The following HDLBP variants were observed in gnomAD, a reference collection of about 807,000 sequenced individuals.
HDLBP encodes the protein vigilin.
In HDLBP, 30 loss-of-function variants were observed where a neutral mutation model predicts 137.3. The observed-to-expected ratio is 0.22, with a 90% confidence interval of 0.16 to 0.30. The LOEUF (loss-of-function observed/expected upper bound fraction) is 0.30, where lower values mean the gene tolerates loss of function less well. Ranked by LOEUF, HDLBP falls within the 10% of genes least tolerant of loss-of-function variation. HDLBP has a pLI of 1.00. For missense variants in HDLBP, 1,119 were observed against 1,667.3 expected (o/e 0.67, Z 5.73); for synonymous variants, 606 against 596.0 (o/e 1.02, Z -0.24).
At chr2:241,248,509 T>TA (rs959581431) in intron 12 of HDLBP, among the ~76,000 whole-genome samples, 161 bp from the exon 13 acceptor site, 1 of 152,216 alleles carries the variant, frequency 6.6e-6, no homozygotes, top group Non-Finnish European at 1.5e-5. Flanking sequence ...AACCAGCTGT[T>TA]AAGAGTGTGC....
chr2:241,296,100 CAAAA>C lies in HDLBP; in HGVS notation c.-103+19466_-103+19469del, dbSNP rs34959720. Among the ~76,000 whole-genome samples, 7 of 85,694 alleles carry C rather than the reference CAAAA, an allele frequency of 8.2e-5. No individual in the cohort carries two copies. The South Asian group carries it at 2.5e-3, about 31-fold the overall frequency. 56.2% of individuals were successfully genotyped at this position (85,694 alleles called of 152,430 possible). ...CATAAAACCAGGCTAGAAAATTTTGCAAAAAAAAAAAAAAAAAAGCTGGGATTCA... is the reference window on the plus strand; with the variant it reads ...CATAAAACCAGGCTAGAAAATTTTGCAAAAAAAAAAAAAAGCTGGGATTCA... On this transcript the variant is annotated intron_variant, in intron 1 of 27. Transcript: ENST00000310931.
intron 24 of HDLBP, chr2:241,231,189 A>G: frequency 2.3e-6 from 1 of 431,054 alleles, no homozygotes; most frequent in South Asian, 2.8e-5. Context: ...ATTCGTGACC[A>G]GCCTGACCAA....
rs1372747285 is a variant in HDLBP, at chr2:241,265,560, T to TCA, written c.77-956_77-955insTG. 4.8e-4 allele frequency among the ~76,000 whole-genome samples: 73 copies of TCA among 152,378 alleles called. 1 individual carries two copies. In the East Asian group the frequency reaches 0.013, roughly 27 times the overall value. On this transcript the variant is annotated intron_variant, in intron 3 of 27. Transcript: ENST00000310931. ...CATAGTGCCCTATTTGTTCATGTGTTTGTGCCATTAGCCACAATCTCCATG... is the reference window on the plus strand; with the variant it reads ...CATAGTGCCCTATTTGTTCATGTGTTCATGTGCCATTAGCCACAATCTCCATG...
rs142659756 is a variant in HDLBP at position 241,236,724 on chromosome 2, C to G, written c.2795G>C (p.Gly932Ala). 20 of 1,614,066 alleles carry G rather than the reference C, an allele frequency of 1.2e-5. No individual in the cohort carries two copies. Among genetic ancestry groups the G allele is most frequent in the African/African-American group, 2.7e-5 (2 of 74,936 alleles). ...PVVQENGDEA[G>A]EGREAKDCDP... is the part of the protein sequence containing the mutation. ...ACAATCTTTAGCCTCTCTCCCCTCC[C>G]CAGCTTCGTCCCCATTCTCCTGGAC... The change falls in exon 21 of 28, where the codon GGG becomes GCG. Residue 932 changes from glycine (G) to alanine (A), a missense_variant. This residue lies in a region of HDLBP where 618 missense variants were observed against 816.7 expected (regional missense o/e 0.76). Transcript: ENST00000310931.
chr2:241,296,101 A>G (rs763568535), intron 1 of HDLBP, among the ~76,000 whole-genome samples: 182 of 56,928 alleles, frequency 3.2e-3, no homozygotes, highest in Non-Finnish European at 8.4e-3. Context: ...AAAATTTTGC[A>G]AAAAAAAAAA....
intron 1 of HDLBP, among the ~76,000 whole-genome samples, chr2:241,311,474 T>C (rs1014108812): frequency 3.3e-5 from 5 of 151,036 alleles, no homozygotes; most frequent in African/African-American, 1.2e-4. Context: ...CAAGAGGGAG[T>C]GAGGAGAGTT....
chr2:241,230,946 T>C lies in HDLBP; in HGVS notation c.3289-2A>G. ...TGTGATGGTAATTTGGTCCTGGGGC[T>C]AAAAAAGGAGAATGTAGTCAGAAAA... On this transcript the variant is annotated splice_acceptor_variant, in intron 24 of 27. Coordinates refer to ENST00000310931, the MANE Select transcript of HDLBP (RefSeq NM_005336.6). LOFTEE classifies it high-confidence loss of function. The surrounding 1 kb of genome is among the most constrained non-coding windows in gnomAD (Gnocchi z 5.0). The C allele has an allele frequency of 1.2e-6, 2 of 1,611,270 alleles. No homozygotes were observed. The highest frequency in any genetic ancestry group is 4.5e-5 in the East Asian group (2 of 44,818).
intron 1 of HDLBP, among the ~76,000 whole-genome samples, chr2:241,281,152 T>TC (rs2074584131): frequency 6.6e-6 from 1 of 152,194 alleles, no homozygotes; most frequent in East Asian, 1.9e-4. Flanking sequence ...GGTCGAGAGA[T>TC]CGAGATCAGC....
chr2:241,293,736 A>G (rs2075082274), intron 1 of HDLBP, among the ~76,000 whole-genome samples: 1 of 151,708 alleles, frequency 6.6e-6, no homozygotes, highest in Non-Finnish European at 1.5e-5. Flanking sequence ...CCTGGGCAAC[A>G]TAGCGAAACC....
intron 11 of HDLBP, chr2:241,250,750 G>C (rs2072074140): frequency 6.6e-6 from 1 of 152,262 alleles, no homozygotes; most frequent in Admixed American, 6.5e-5. Context: ...GCACTGAGGG[G>C]GGAACATGGA....
rs1343698452 is a variant in HDLBP at position 241,229,705 on chromosome 2, A to T, written c.3721-18T>A. 6.2e-7 allele frequency: 1 copy of T among 1,613,406 alleles called. No homozygotes were observed. Among genetic ancestry groups the T allele is most frequent in the East Asian group, 2.2e-5 (1 of 44,872 alleles). ...TCAGGAGCCTGTGCAGAGAGAGGACACGGCTTCAGGAGGGGATGCTCCCCA... is the reference window on the plus strand; with the variant it reads ...TCAGGAGCCTGTGCAGAGAGAGGACTCGGCTTCAGGAGGGGATGCTCCCCA... On this transcript the variant is annotated intron_variant, in intron 27 of 27. Transcript: ENST00000310931.
chr2:241,279,375 TTACAAA>T (rs1214119888), intron 1 of HDLBP, among the ~76,000 whole-genome samples: 2 of 152,202 alleles, frequency 1.3e-5, no homozygotes, highest in Non-Finnish European at 2.9e-5. Flanking sequence ...TTTAGAATAG[TTACAAA>T]TACAATCATA....
In HDLBP at chr2:241,235,210, CGAT is replaced by C; in HGVS notation, c.3052_3054del (p.Ile1018del). ...AAATTTGCAGCGAGGCCCGTGATGG[CGAT>C]GATGTCAGACTGCAGCTCAGGTGCC... On this transcript the variant is annotated inframe_deletion, in exon 23 of 28. Transcript: ENST00000310931. The C allele has an allele frequency of 6.2e-7, 1 of 1,614,150 alleles. No individual in the cohort carries two copies. Among genetic ancestry groups the C allele is most frequent in the Non-Finnish European group, 8.5e-7 (1 of 1,180,042 alleles).
intron 5 of HDLBP, among the ~76,000 whole-genome samples, chr2:241,260,833 C>A (rs2073100518): frequency 6.6e-6 from 1 of 152,086 alleles, no homozygotes; most frequent in South Asian, 2.1e-4. Flanking sequence ...ACCAGTTCAC[C>A]AAAAATAATC....
chr2:241,279,254 T>G (rs147804942), intron 1 of HDLBP, among the ~76,000 whole-genome samples: 39 of 152,320 alleles, frequency 2.6e-4, no homozygotes, highest in African/African-American at 9.1e-4. Flanking sequence ...GTATGGAATT[T>G]TACAACCAGA....
intron 1 of HDLBP, among the ~76,000 whole-genome samples, chr2:241,279,261 C>G (rs1474821344): frequency 1.3e-5 from 2 of 152,092 alleles, no homozygotes; most frequent in Non-Finnish European, 2.9e-5. Context: ...ATTTTACAAC[C>G]AGATTTTATA....
intron 1 of HDLBP, among the ~76,000 whole-genome samples, chr2:241,314,902 A>G (rs55659209): frequency 0.32 from 48,414 of 151,944 alleles, 8,423 homozygotes; most frequent in East Asian, 0.51. Flanking sequence ...TATTTGCGCC[A>G]AGCCTTGACG....
intron 1 of HDLBP, among the ~76,000 whole-genome samples, chr2:241,277,944 A>C (rs1348963516): frequency 6.6e-6 from 1 of 152,028 alleles, no homozygotes; most frequent in Non-Finnish European, 1.5e-5. Flanking sequence ...CTGGGAAACA[A>C]AAGTGAAACT....
chr2:241,299,668 C>A (rs1191319167), intron 1 of HDLBP, among the ~76,000 whole-genome samples: 1 of 152,174 alleles, frequency 6.6e-6, no homozygotes, highest in African/African-American at 2.4e-5. Flanking sequence ...GTAATCCCAG[C>A]ACTCTGGGAG....
Sources: allele counts gnomAD v4.1 joint callset (sites outside exome capture counted in the v4.1 genomes callset), GRCh38; gene constraint gnomAD v4.1.1; regional missense constraint gnomAD v4.1.1; non-coding constraint Gnocchi (gnomAD v3.1); transcripts MANE v1.5; gene names NCBI Gene and HGNC (gene_info 2026-07-23, HGNC 2026-07-21).